Variants in PRELID2 observed in about 807,000 individuals in gnomAD.
PRELID2 encodes PRELI domain-containing protein 2.
Under a neutral mutation model 28.4 loss-of-function variants are expected in PRELID2, and 25 were observed. That is an observed-to-expected ratio of 0.88 (90% confidence interval 0.64 to 1.23). The LOEUF is 1.23. Ranked by LOEUF, PRELID2 falls within the 50% of genes most tolerant of loss-of-function variation. The pLI, the probability that PRELID2 is intolerant of heterozygous loss-of-function variation, is 0.00. For missense variants in PRELID2, 201 were observed against 214.4 expected, an observed-to-expected ratio of 0.94 and a Z score of 0.39; for synonymous variants, 76 against 71.6, an observed-to-expected ratio of 1.06 and a Z score of -0.31.
At chr5:145,402,142 G>A in the PRELID2 span, among the ~76,000 whole-genome samples, 1 of 152,072 alleles carries the variant, frequency 6.6e-6, no homozygotes. Flanking sequence ...CACATGGATG[G>A]GACAGATATG....
At position 145,835,293 on chromosome 5, in the gene PRELID2, G is replaced by T; in HGVS notation, c.-42C>A. 1.4e-6 allele frequency: 2 copies of T among 1,398,798 alleles called. No homozygotes were observed. Among genetic ancestry groups the T allele is most frequent in the Non-Finnish European group, 2.0e-6 (2 of 1,013,670 alleles). The allele number at this position is 1,398,798 out of a possible 1,614,324, so 86.6% of individuals were successfully genotyped here. A position where few individuals can be genotyped will look rare whatever the true frequency, so the allele number is the denominator to read the frequency against. On this transcript the variant is annotated 5_prime_UTR_variant, in exon 1 of 7. Transcript: ENST00000683046. ...CCCCGCGCACCGGCCACGCCTCCGC[G>T]AGCTCAGAGCTGCCCAGGGCTCCGC...
intron 1 of PRELID2, among the ~76,000 whole-genome samples, chr5:145,652,571 A>C (rs1754317333): frequency 6.6e-6 from 1 of 152,222 alleles, no homozygotes; most frequent in Non-Finnish European, 1.5e-5. Flanking sequence ...ACTCTACAAG[A>C]CAGAAGAGAG....
chr5:145,405,784 C>T, the PRELID2 span, among the ~76,000 whole-genome samples: 1 of 146,472 alleles, frequency 6.8e-6, no homozygotes, highest in Non-Finnish European at 1.5e-5. Flanking sequence ...CAGCTCACTG[C>T]AAGCTCCGCC....
chr5:145,783,995 G>T (rs1249181506), intron 5 of PRELID2, among the ~76,000 whole-genome samples: 4 of 152,076 alleles, frequency 2.6e-5, no homozygotes, highest in Non-Finnish European at 5.9e-5. Context: ...AAGGCTTGGA[G>T]GGGGGCTGGG....
intron 4 of PRELID2, among the ~76,000 whole-genome samples, chr5:145,803,749 A>AG: frequency 6.6e-6 from 1 of 151,758 alleles, no homozygotes; most frequent in Admixed American, 6.6e-5. Flanking sequence ...AAAAAAAAAA[A>AG]AAAGCACAGT....
rs1379413515 is a variant in PRELID2, at chr5:145,758,445, T to C, written c.*2091A>G. Among the ~76,000 whole-genome samples, 2 of 152,186 alleles carry C rather than the reference T, an allele frequency of 1.3e-5. No homozygotes were observed. The highest frequency in any genetic ancestry group is 2.9e-5 in the Non-Finnish European group (2 of 68,024). On this transcript the variant is annotated 3_prime_UTR_variant, in exon 7 of 7. Coordinates refer to ENST00000683046, the MANE Select transcript of PRELID2 (RefSeq NM_205846.3). ...CTACCAAAGGAGTTTTTTTTAAAGC[T>C]GATGCCTTGGTTCCACTACCTGAGA...
chr5:145,662,085 A>G (rs1581036111), intron 1 of PRELID2, among the ~76,000 whole-genome samples: 2 of 152,148 alleles, frequency 1.3e-5, no homozygotes, highest in African/African-American at 4.8e-5. Flanking sequence ...GGTCCAATGC[A>G]GGCACTTGTC....
At chr5:145,483,603 G>A (rs76656730) in intron 1 of PRELID2, among the ~76,000 whole-genome samples, 1 of 152,168 alleles carries the variant, frequency 6.6e-6, no homozygotes, top group South Asian at 2.1e-4. Context: ...TAAACTCCAA[G>A]AGGTTGTATT....
chr5:145,796,230 T>C (rs1463039779), intron 5 of PRELID2: 4 of 376,464 alleles, frequency 1.1e-5, no homozygotes, highest in Non-Finnish European at 1.9e-5. Context: ...TTCATTGGCA[T>C]ATTTTTAATT....
chr5:145,639,919 C>T (rs1754069703), intron 1 of PRELID2, among the ~76,000 whole-genome samples: 1 of 152,140 alleles, frequency 6.6e-6, no homozygotes, highest in South Asian at 2.1e-4. Flanking sequence ...GCAGTTGAAG[C>T]TGATGAGAAG....
At position 145,577,092 on chromosome 5, in the gene PRELID2, A is replaced by G. The variant is rs1037044825; in HGVS notation, n.71-103777T>C. 3.9e-5 allele frequency among the ~76,000 whole-genome samples: 6 copies of G among 152,136 alleles called. No homozygotes were observed. In the South Asian group the frequency reaches 1.0e-3, roughly 26 times the overall value. ...GCCAGCCTTCACAGAATCTCTAGAC[A>G]GGTTTCCTGTTACAGAGCATCTCAG... is the stretch of plus-strand genomic sequence containing the variant. On this transcript the variant is annotated intron_variant and non_coding_transcript_variant, in intron 1 of 2. Coordinates refer to the PRELID2 transcript ENST00000510259.
At chr5:145,284,033 C>A in the PRELID2 span, among the ~76,000 whole-genome samples, 1 of 152,020 alleles carries the variant, frequency 6.6e-6, no homozygotes, top group Non-Finnish European at 1.5e-5. Flanking sequence ...GGTTTAAAAT[C>A]CGGCTTACTG....
chr5:145,269,450 C>A, the PRELID2 span, among the ~76,000 whole-genome samples: 1 of 151,898 alleles, frequency 6.6e-6, no homozygotes, highest in Non-Finnish European at 1.5e-5. Context: ...ATAGGAAAAA[C>A]AAACAACCCT....
intron 1 of PRELID2, among the ~76,000 whole-genome samples, chr5:145,735,090 C>CA (rs5871940): frequency 0.82 from 123,451 of 151,392 alleles, 50,751 homozygotes; most frequent in East Asian, 0.88. Context: ...ACTAAAAATA[C>CA]AAAAATTAGC....
the PRELID2 span, among the ~76,000 whole-genome samples, chr5:145,348,735 AT>A: frequency 6.6e-6 from 1 of 151,882 alleles, no homozygotes; most frequent in Non-Finnish European, 1.5e-5. Flanking sequence ...GAGAGTTCTA[AT>A]TTGTTCATGC....
chr5:145,646,379 C>G (rs1171446746), intron 1 of PRELID2, among the ~76,000 whole-genome samples: 1 of 152,086 alleles, frequency 6.6e-6, no homozygotes. Context: ...TTTTTCAACT[C>G]CATCAGGTCA....
the PRELID2 span, among the ~76,000 whole-genome samples, chr5:145,435,634 T>C: frequency 6.6e-6 from 1 of 152,176 alleles, no homozygotes; most frequent in Non-Finnish European, 1.5e-5. Context: ...TCCTAGGACT[T>C]CTACTTTGTT....
chr5:145,778,501 C>T (rs542164430), intron 5 of PRELID2, among the ~76,000 whole-genome samples: 2 of 152,324 alleles, frequency 1.3e-5, no homozygotes, highest in South Asian at 4.1e-4. Flanking sequence ...GCATCTCAAT[C>T]TTCCTGATCA....
chr5:145,258,020 C>G, the PRELID2 span, among the ~76,000 whole-genome samples: 2 of 152,196 alleles, frequency 1.3e-5, no homozygotes, highest in African/African-American at 4.8e-5. Context: ...CTCTCTCTTT[C>G]TCTTTTTCCT....
Sources: gnomAD v4.1 joint callset for allele counts (sites outside exome capture counted in the v4.1 genomes callset) on GRCh38, gnomAD v4.1.1 for gene constraint, MANE v1.5 for transcripts, NCBI Gene and HGNC (gene_info 2026-07-23, HGNC 2026-07-21) for gene names.